The following NR5A1 variants were observed in gnomAD, a reference collection of about 807,000 sequenced individuals.
NR5A1 encodes the protein nuclear receptor subfamily 5 group A member 1.
NR5A1 carries 6 observed loss-of-function variants against 42.7 expected under a neutral mutation model. The ratio of observed to expected loss-of-function variants is 0.14; its 90% CI spans 0.08 to 0.28. NR5A1 has a LOEUF of 0.28. Ranked by LOEUF, NR5A1 falls within the 10% of genes least tolerant of loss-of-function variation. The pLI is 1.00. For missense variants in NR5A1, 442 were observed against 626.4 expected, an observed-to-expected ratio of 0.71 and a Z score of 3.14; for synonymous variants, 274 against 277.5, an observed-to-expected ratio of 0.99 and a Z score of 0.12.
rs763139596 is a variant in NR5A1, at chr9:124,500,667, A to G, written c.293T>C (p.Met98Thr). 6.2e-7 allele frequency: 1 copy of G among 1,613,242 alleles called. No homozygotes were observed. Residue 98 changes from methionine to threonine, a missense_variant, in exon 4 of 7, where the codon ATG becomes ACG. Physicochemically the swap from Met to Thr is moderately conservative, Grantham distance 81. Around this residue, in one of 3 missense-constraint regions of NR5A1, gnomAD observed 71 missense variants for 156.8 expected, o/e 0.45. Coordinates refer to ENST00000373588, the MANE Select transcript of NR5A1 (RefSeq NM_004959.5). This position sits in a 1 kb window ranked among gnomAD's most constrained non-coding sequence, Gnocchi z 6.9. ...MRGGRNKFGP[M>T]YKRDRALKQQ... ...TTTCAGGGCCCGGTCCCGCTTGTAC[A>G]TCGGCCCAAACTTGTTCCGGCCACC... is the stretch of plus-strand genomic sequence containing the variant.
In NR5A1 at chr9:124,501,098, G is replaced by T; in HGVS notation, c.245-383C>A. 2.0e-6 allele frequency: 1 copy of T among 507,096 alleles called. No individual in the cohort carries two copies. The highest frequency in any genetic ancestry group is 3.9e-6 in the Non-Finnish European group (1 of 255,286). The allele number at this position is 507,096 out of a possible 1,614,324, so 31.4% of individuals were successfully genotyped here. On this transcript the variant is annotated intron_variant, in intron 3 of 6. Transcript: ENST00000373588. This position sits in a 1 kb window ranked among gnomAD's most constrained non-coding sequence, Gnocchi z 4.1. ...AAGCACTCCTGGATTCATGCAAACGGGCTCTACTGTCCTTGCCCCAGGTGC... is the reference window on the plus strand; with the variant it reads ...AAGCACTCCTGGATTCATGCAAACGTGCTCTACTGTCCTTGCCCCAGGTGC...
At chr9:124,487,693 G>A (rs1832240195) in intron 6 of NR5A1, among the ~76,000 whole-genome samples, 1 of 152,180 alleles carries the variant, frequency 6.6e-6, no homozygotes, top group African/African-American at 2.4e-5. Context: ...GGGCGGAGCC[G>A]CCCCCGAGGG....
Position 124,500,249 on chromosome 9 carries a change from C to T in NR5A1, c.711G>A (p.Glu237=). The T allele has an allele frequency of 6.3e-7, 1 of 1,599,148 alleles. No individual in the cohort carries two copies. The highest frequency in any genetic ancestry group is 1.1e-5 in the South Asian group (1 of 89,272). Residue 237 remains glutamate (E), a synonymous_variant, in exon 4 of 7, where the codon GAG becomes GAA. Transcript: ENST00000373588. The surrounding 1 kb of genome is among the most constrained non-coding windows in gnomAD (Gnocchi z 6.9). ...CCAAGATGCGGGCCCGCACCTGGTCCTCATCCGGCTCCAGCTGCAGCAGCT... is the reference window on the plus strand; with the variant it reads ...CCAAGATGCGGGCCCGCACCTGGTCTTCATCCGGCTCCAGCTGCAGCAGCT... ...ILQLLQLEPD[E]DQVRARILGC...
Position 124,501,695 on chromosome 9 carries a change from C to A in NR5A1, c.245-980G>T, listed in dbSNP as rs72761482. Among the ~76,000 whole-genome samples the A allele has an allele frequency of 1.5e-3, 234 of 152,296 alleles. 1 individual carries two copies. The highest frequency in any genetic ancestry group is 2.0e-3 in the Non-Finnish European group (136 of 68,016). On this transcript the variant is annotated intron_variant, in intron 3 of 6. Coordinates refer to ENST00000373588, the MANE Select transcript of NR5A1 (RefSeq NM_004959.5). This position sits in a 1 kb window ranked among gnomAD's most constrained non-coding sequence, Gnocchi z 4.1. ...CCCACAACAGCCAGCTATCTGGCCC[C>A]TTGGGACCTGGCACTAGGGGCATGG...
At position 124,500,224 on chromosome 9, in the gene NR5A1, C is replaced by G. The variant is rs1446228168; in HGVS notation, c.736G>C (p.Gly246Arg). 1.9e-6 allele frequency: 3 copies of G among 1,608,346 alleles called. No homozygotes were observed. Among genetic ancestry groups the G allele is most frequent in the Non-Finnish European group, 2.5e-6 (3 of 1,177,350 alleles). ...CTTTTGGTGGGCTCCTGCAGGCAGC[C>G]CAAGATGCGGGCCCGCACCTGGTCC... ...DEDQVRARIL[G>R]CLQEPTKSRP... Residue 246 changes from glycine to arginine, a missense_variant, in exon 4 of 7, where the codon GGC becomes CGC. Gly to Arg is a moderately radical substitution (Grantham distance 125, BLOSUM62 -2). This residue lies in a region of NR5A1 where 208 missense variants were observed against 203.8 expected (regional missense o/e 1.02). Coordinates refer to ENST00000373588, the MANE Select transcript of NR5A1 (RefSeq NM_004959.5). This position sits in a 1 kb window ranked among gnomAD's most constrained non-coding sequence, Gnocchi z 6.9.
intron 3 of NR5A1, among the ~76,000 whole-genome samples, chr9:124,502,360 T>A (rs1832483749): frequency 6.6e-6 from 1 of 152,214 alleles, no homozygotes; most frequent in African/African-American, 2.4e-5. Context: ...GAGACAGGGT[T>A]TCCCTCTCGC....
chr9:124,494,181 C>T (rs1832355928), intron 4 of NR5A1, among the ~76,000 whole-genome samples: 1 of 152,226 alleles, frequency 6.6e-6, no homozygotes, highest in African/African-American at 2.4e-5. Context: ...GGCGCACCTT[C>T]CTGGGCCGTG....
At position 124,503,900 on chromosome 9, in the gene NR5A1, C is replaced by T. The variant is rs1332253510; in HGVS notation, c.-15-490G>A. Among the ~76,000 whole-genome samples, 1 of 151,852 alleles carries T rather than the reference C, an allele frequency of 6.6e-6. No homozygotes were observed. Among genetic ancestry groups the T allele is most frequent in the African/African-American group, 2.4e-5 (1 of 41,296 alleles). ...AGAAACTCTGGCGAGAGACAACGAC[C>T]GACGCCACCGGGCGCAGACACGAGG... On this transcript the variant is annotated intron_variant, in intron 1 of 6. Transcript: ENST00000373588. This position sits in a 1 kb window ranked among gnomAD's most constrained non-coding sequence, Gnocchi z 9.6.
rs1356941664 is a variant in NR5A1 at position 124,500,932 on chromosome 9, A to C, written c.245-217T>G. The C allele has an allele frequency of 4.1e-6, 3 of 734,212 alleles. No individual in the cohort carries two copies. The highest frequency in any genetic ancestry group is 7.4e-6 in the Non-Finnish European group (3 of 404,746). 45.5% of individuals were successfully genotyped at this position (734,212 alleles called of 1,614,324 possible). ...TCCCTGCTAAGACCCCTCTCCTTCC[A>C]CTCCACCGAACTCACCTCCACTCCT... On this transcript the variant is annotated intron_variant, in intron 3 of 6. Coordinates refer to ENST00000373588, the MANE Select transcript of NR5A1 (RefSeq NM_004959.5). The surrounding 1 kb of genome is among the most constrained non-coding windows in gnomAD (Gnocchi z 6.9).
intron 3 of NR5A1, among the ~76,000 whole-genome samples, chr9:124,502,334 T>C (rs541405508): frequency 1.3e-5 from 2 of 152,336 alleles, no homozygotes; most frequent in East Asian, 3.9e-4. Flanking sequence ...TTTTTATTTT[T>C]ATGTACTTAT....
At chr9:124,486,057 C>T (rs977264560) in intron 6 of NR5A1, among the ~76,000 whole-genome samples, 4 of 152,106 alleles carry the variant, frequency 2.6e-5, no homozygotes, top group South Asian at 2.1e-4. Flanking sequence ...TCGGCTTTAC[C>T]GGGATTTACT....
chr9:124,485,134 C>T (rs1375090379), intron 6 of NR5A1, among the ~76,000 whole-genome samples: 1 of 152,116 alleles, frequency 6.6e-6, no homozygotes, highest in Non-Finnish European at 1.5e-5. Flanking sequence ...GCTTGCAGGC[C>T]TCTTTCAGCT....
chr9:124,484,898 G>A (rs7869829), intron 6 of NR5A1, among the ~76,000 whole-genome samples: 62,425 of 152,048 alleles, frequency 0.41, 14,179 homozygotes, highest in Non-Finnish European at 0.52. Context: ...TTGGCTCTGC[G>A]TGCACCAATG....
chr9:124,504,840 G>T (rs1053833210), intron 1 of NR5A1, among the ~76,000 whole-genome samples: 1 of 146,228 alleles, frequency 6.8e-6, no homozygotes, highest in African/African-American at 2.5e-5. Flanking sequence ...GGGGCGCGGG[G>T]CTGGCGGCGC....
At chr9:124,495,461 G>C (rs1254571816) in intron 4 of NR5A1, among the ~76,000 whole-genome samples, 1 of 152,250 alleles carries the variant, frequency 6.6e-6, no homozygotes, top group Non-Finnish European at 1.5e-5. Flanking sequence ...GCTTCAGGCA[G>C]CTGGGCTCTG....
chr9:124,488,913 G>T (rs1003017538), intron 6 of NR5A1, among the ~76,000 whole-genome samples: 1 of 152,228 alleles, frequency 6.6e-6, no homozygotes, highest in East Asian at 1.9e-4. Context: ...GCCTGTTCCA[G>T]CCCAGCACTG....
intron 6 of NR5A1, among the ~76,000 whole-genome samples, chr9:124,489,543 C>T (rs1178980763): frequency 1.3e-5 from 2 of 152,356 alleles, no homozygotes; most frequent in East Asian, 1.9e-4. Flanking sequence ...GCAGGCTCCA[C>T]GCCCCAACCA....
chr9:124,485,789 G>A (rs1832199111), intron 6 of NR5A1, among the ~76,000 whole-genome samples: 2 of 152,310 alleles, frequency 1.3e-5, no homozygotes, highest in Admixed American at 1.3e-4. Flanking sequence ...CAAAGGTCAT[G>A]GGAAGTCATG....
Position 124,500,053 on chromosome 9 carries a change from A to G in NR5A1, c.870+37T>C. On this transcript the variant is annotated intron_variant, in intron 4 of 6. Coordinates refer to ENST00000373588, the MANE Select transcript of NR5A1 (RefSeq NM_004959.5). This position sits in a 1 kb window ranked among gnomAD's most constrained non-coding sequence, Gnocchi z 6.9. ...TAAGGCTTGGGCAGCCGGGAGGACC[A>G]TGATGCAGGGCCAGCCGGGCGGGAG... 6.2e-7 allele frequency: 1 copy of G among 1,612,974 alleles called. No individual in the cohort carries two copies. The highest frequency in any genetic ancestry group is 1.7e-5 in the Admixed American group (1 of 60,032).
Sources: allele counts gnomAD v4.1 joint callset (sites outside exome capture counted in the v4.1 genomes callset), GRCh38; gene constraint gnomAD v4.1.1; regional missense constraint gnomAD v4.1.1; non-coding constraint Gnocchi (gnomAD v3.1); transcripts MANE v1.5; gene names NCBI Gene and HGNC (gene_info 2026-07-23, HGNC 2026-07-21).